Variants in MX2 observed in about 807,000 individuals in gnomAD.
The protein encoded by MX2 is MX dynamin like GTPase 2.
MX2 carries 51 observed loss-of-function variants against 74.0 expected under a neutral mutation model. That is an observed-to-expected ratio of 0.69 (90% CI 0.55 to 0.87). The LOEUF is 0.87. Ranked by LOEUF, MX2 falls within the 40% of genes least tolerant of loss-of-function variation. The pLI is 0.00. For synonymous variants in MX2, 369 were observed against 339.3 expected (o/e 1.09, Z -0.96); for missense variants, 832 against 908.7 (o/e 0.92, Z 1.09).
intron 4 of MX2, 96 bp from the exon 5 acceptor site, chr21:41,382,314 A>T: frequency 4.9e-6 from 7 of 1,442,746 alleles, no homozygotes; most frequent in Non-Finnish European, 6.5e-6. Flanking sequence ...TGAAGCTCTC[A>T]TACCCTGGAA....
chr21:41,385,337 A>G (rs1246171453), intron 5 of MX2, among the ~76,000 whole-genome samples: 1 of 152,216 alleles, frequency 6.6e-6, no homozygotes, highest in Non-Finnish European at 1.5e-5. Context: ...TGTAGCTCCC[A>G]TAATCCCCAC....
rs151011643 is a variant in MX2 at position 41,377,188 on chromosome 21, G to A, written c.249+33G>A. On this transcript the variant is annotated intron_variant, in intron 2 of 13. Transcript: ENST00000330714. The stretch of plus-strand genomic sequence containing the variant: ...CGGTGGAGGGACGTTCAGAAAGGGT[G>A]CATTCTGGCTGCCGGTGCAGAGGGC... 565 of 1,610,200 alleles carry A rather than the reference G, an allele frequency of 3.5e-4. No homozygotes were observed. The African/African-American group carries it at 6.8e-3, about 20-fold the overall frequency.
chr21:41,379,221 G>A (rs548113545), intron 3 of MX2, among the ~76,000 whole-genome samples: 16 of 152,320 alleles, frequency 1.1e-4, no homozygotes, highest in Middle Eastern at 3.4e-3. Flanking sequence ...GTGAGACTAC[G>A]GGGTGGAGAG....
chr21:41,377,795 G>T lies in MX2; in HGVS notation c.256G>T (p.Glu86Ter). Residue 86 changes from glutamate (E) to a stop codon, truncating the protein, a stop_gained, in exon 3 of 14, where the codon GAG becomes TAG. Transcript: ENST00000330714. LOFTEE classifies it high-confidence loss of function. ...NRSQPRAMGP[E>*]NNLYSQYEQK... ...TCTGTTCTGCCTTCTCCAGGGGCCC[G>T]AGAACAACCTGTACAGCCAGTACGA... is the stretch of plus-strand genomic sequence containing the variant. 1 of 1,609,274 alleles carries T rather than the reference G, an allele frequency of 6.2e-7. No homozygotes were observed. Among genetic ancestry groups the T allele is most frequent in the East Asian group, 2.2e-5 (1 of 44,726 alleles).
chr21:41,403,614 G>A (rs2089845618), intron 12 of MX2: 1 of 689,034 alleles, frequency 1.5e-6, no homozygotes, highest in Non-Finnish European at 2.8e-6. Flanking sequence ...CGCAGGATGT[G>A]GGGCTCCACC....
Position 41,377,053 on chromosome 21 carries a change from G to T in MX2, c.147G>T (p.Trp49Cys). Residue 49 changes from tryptophan (W) to cysteine (C), a missense_variant, in exon 2 of 14, where the codon TGG (tryptophan) becomes TGT (cysteine). Physicochemically the swap from Trp to Cys is radical, Grantham distance 215. Transcript: ENST00000330714. ...CACAAATGATGTTTCCTCCAAACTG[G>T]CAGGGGGCAGAGAAGGACGCTGCTT... Reference protein sequence around the residue: ...VPPQMMFPPNWQGAEKDAAFL... With the variant: ...VPPQMMFPPNCQGAEKDAAFL... 2 of 1,614,222 alleles carry T rather than the reference G, an allele frequency of 1.2e-6. No individual in the cohort carries two copies. Among genetic ancestry groups the T allele is most frequent in the Non-Finnish European group, 1.7e-6 (2 of 1,180,044 alleles).
At position 41,388,411 on chromosome 21, in the gene MX2, C is replaced by T. The variant is rs934026178; in HGVS notation, c.733-2154C>T. Reference sequence around the variant, plus strand: ...GCTTCCCACTGCCCGGTGCTCTGCCCGCATGGCTCTCCGCAGAGGGCATCC... The same window carrying T: ...GCTTCCCACTGCCCGGTGCTCTGCCTGCATGGCTCTCCGCAGAGGGCATCC... On this transcript the variant is annotated intron_variant, in intron 5 of 13. Coordinates refer to ENST00000330714, the MANE Select transcript of MX2 (RefSeq NM_002463.2). This position sits in a 1 kb window ranked among gnomAD's most constrained non-coding sequence, Gnocchi z 4.0. 3.9e-5 allele frequency among the ~76,000 whole-genome samples: 6 copies of T among 152,206 alleles called. No individual in the cohort carries two copies. The highest frequency in any genetic ancestry group is 7.3e-5 in the Non-Finnish European group (5 of 68,040).
Position 41,397,647 on chromosome 21 carries a change from C to T in MX2, c.1105C>T (p.Arg369Ter), listed in dbSNP as rs745812664. ...GGAGGAGGGGTCAGCCACGGTTCCC[C>T]GACTGGCAGAAAGACTTACCACTGA... is the stretch of plus-strand genomic sequence containing the variant. ...LLEEGSATVP[R>*]LAERLTTELI... is the part of the protein sequence containing the mutation. The change falls in exon 8 of 14, where the codon CGA (arginine) becomes TGA (stop). Residue 369 changes from arginine to a stop codon, truncating the protein, a stop_gained. Transcript: ENST00000330714. LOFTEE classifies it high-confidence loss of function. 8.1e-5 allele frequency: 130 copies of T among 1,613,958 alleles called. No homozygotes were observed. The highest frequency in any genetic ancestry group is 1.0e-4 in the Non-Finnish European group (122 of 1,179,970).
At position 41,390,727 on chromosome 21, in the gene MX2, C is replaced by T. The variant is rs112809651; in HGVS notation, c.871+24C>T. The T allele has an allele frequency of 0.012, 18,582 of 1,611,398 alleles. 946 individuals carry two copies. In the African/African-American group the frequency reaches 0.15, roughly 13 times the overall value. ...CGGTAAGAGGAAAGAACCAAGTGGCCGGGTGCGGTGGCTCAAGCCTGTAAT... is the reference window on the plus strand; with the variant it reads ...CGGTAAGAGGAAAGAACCAAGTGGCTGGGTGCGGTGGCTCAAGCCTGTAAT... On this transcript the variant is annotated intron_variant, in intron 6 of 13. Transcript: ENST00000330714.
At chr21:41,406,634 C>G in intron 12 of MX2, 110 bp from the exon 13 acceptor site, 1 of 1,128,192 alleles carries the variant, frequency 8.9e-7, no homozygotes, top group South Asian at 1.6e-5. Flanking sequence ...ACTTCTTTGA[C>G]TATGGATTCG....
At chr21:41,395,190 G>A (rs1021211349) in intron 6 of MX2, among the ~76,000 whole-genome samples, 1 of 152,048 alleles carries the variant, frequency 6.6e-6, no homozygotes, top group African/African-American at 2.4e-5. Context: ...CAGAGGAGGT[G>A]CCCACAAGAG....
chr21:41,384,286 C>T (rs762991300), intron 5 of MX2, among the ~76,000 whole-genome samples: 2 of 152,108 alleles, frequency 1.3e-5, no homozygotes, highest in East Asian at 1.9e-4. Flanking sequence ...TGTGTGAGAA[C>T]GGACTAATAC....
In MX2 at chr21:41,408,273, A is replaced by G. The variant is rs73370182; in HGVS notation, c.*40A>G. The G allele has an allele frequency of 1.9e-3, 3,071 of 1,606,244 alleles. 45 individuals carry two copies. In the African/African-American group the frequency reaches 0.034, roughly 18 times the overall value. On this transcript the variant is annotated 3_prime_UTR_variant, in exon 14 of 14. Coordinates refer to ENST00000330714, the MANE Select transcript of MX2 (RefSeq NM_002463.2). The stretch of plus-strand genomic sequence containing the variant: ...TGTGGTTGTTTTCTTGTGCGTACTC[A>G]TTCATTCTAAGGGGAGTCGGTGCAG...
At chr21:41,369,597 G>C (rs2089297543) in intron 1 of MX2, among the ~76,000 whole-genome samples, 1 of 152,128 alleles carries the variant, frequency 6.6e-6, no homozygotes, top group South Asian at 2.1e-4. Flanking sequence ...CAGCAGGTGG[G>C]AGTGCTGGGC....
At chr21:41,397,188 C>G (rs1005528670) in intron 7 of MX2, among the ~76,000 whole-genome samples, 3 of 152,258 alleles carry the variant, frequency 2.0e-5, no homozygotes, top group African/African-American at 7.2e-5. Context: ...CTTAACCTTT[C>G]TGTGTCTCAG....
chr21:41,381,857 C>T (rs919920768), intron 4 of MX2, among the ~76,000 whole-genome samples: 2 of 152,186 alleles, frequency 1.3e-5, no homozygotes, highest in African/African-American at 4.8e-5. Context: ...GGCCATACTT[C>T]CTTACCTTGT....
At chr21:41,378,463 G>C (rs1229060517) in intron 3 of MX2, among the ~76,000 whole-genome samples, 1 of 152,254 alleles carries the variant, frequency 6.6e-6, no homozygotes, top group Non-Finnish European at 1.5e-5. Flanking sequence ...CCTCTTCCTA[G>C]TGGTCTTTGT....
chr21:41,367,808 A>G (rs2089280852), intron 1 of MX2, among the ~76,000 whole-genome samples: 1 of 152,082 alleles, frequency 6.6e-6, no homozygotes, highest in Non-Finnish European at 1.5e-5. Context: ...GGTCCACTGC[A>G]TCTTATCAAG....
At chr21:41,387,207 G>A (rs1353508480) in intron 5 of MX2, among the ~76,000 whole-genome samples, 1 of 152,114 alleles carries the variant, frequency 6.6e-6, no homozygotes, top group African/African-American at 2.4e-5. Context: ...TCCCCTCCCG[G>A]TCTTCCTGAG....
Sources: allele counts gnomAD v4.1 joint callset (sites outside exome capture counted in the v4.1 genomes callset), GRCh38; gene constraint gnomAD v4.1.1; non-coding constraint Gnocchi (gnomAD v3.1); transcripts MANE v1.5; gene names NCBI Gene and HGNC (gene_info 2026-07-23, HGNC 2026-07-21).